Variants in PEX5L observed in about 807,000 individuals in gnomAD.
PEX5L encodes peroxisomal biogenesis factor 5 like.
PEX5L carries 30 observed loss-of-function variants against 84.0 expected under a neutral mutation model. That is an observed-to-expected ratio of 0.36 (90% confidence interval 0.27 to 0.48). The LOEUF is 0.48. PEX5L is among the 20% of genes least tolerant of loss of function. The pLI, the probability that PEX5L is intolerant of heterozygous loss-of-function variation, is 0.99. For missense variants in PEX5L, 533 were observed against 754.6 expected (o/e 0.71, Z 3.44); for synonymous variants, 270 against 283.1 (o/e 0.95, Z 0.46).
rs142621489 is a variant in PEX5L at position 180,029,628 on chromosome 3, A to C, written c.21+6951T>G. 2.3e-4 allele frequency among the ~76,000 whole-genome samples: 35 copies of C among 152,298 alleles called. No homozygotes were observed. In the East Asian group the frequency reaches 6.8e-3, roughly 29 times the overall value. ...CCTCTGTGATGTCAGAAAGCTACCTAGGAATTAAGCTTTCTGCTAGGGTCT... is the reference window on the plus strand; with the variant it reads ...CCTCTGTGATGTCAGAAAGCTACCTCGGAATTAAGCTTTCTGCTAGGGTCT... On this transcript the variant is annotated intron_variant, in intron 1 of 14. Coordinates refer to ENST00000467460, the MANE Select transcript of PEX5L (RefSeq NM_016559.3).
Position 179,922,096 on chromosome 3 carries a change from C to T in PEX5L, c.94-23850G>A, listed in dbSNP as rs1487303643. ...AAGTTCTCTCTGGAGCTCACTAGAC[C>T]GACTTGTAACTGCTGGGATTATGAT... is the stretch of plus-strand genomic sequence containing the variant. On this transcript the variant is annotated intron_variant, in intron 2 of 14. Transcript: ENST00000467460. 3.9e-5 allele frequency among the ~76,000 whole-genome samples: 6 copies of T among 152,150 alleles called. No individual in the cohort carries two copies. The East Asian group carries it at 5.8e-4, about 15-fold the overall frequency.
intron 1 of PEX5L, among the ~76,000 whole-genome samples, chr3:180,002,439 C>A (rs186046193): frequency 1.3e-5 from 2 of 152,134 alleles, no homozygotes; most frequent in South Asian, 2.1e-4. Flanking sequence ...AAAGTGATAT[C>A]TTTCATTGCA....
In PEX5L at chr3:179,869,225, C is replaced by T. The variant is rs1253963564; in HGVS notation, c.726+5102G>A. 4.6e-5 allele frequency among the ~76,000 whole-genome samples: 7 copies of T among 152,226 alleles called. No homozygotes were observed. In the South Asian group the frequency reaches 1.5e-3, roughly 32 times the overall value. On this transcript the variant is annotated intron_variant, in intron 7 of 14. Coordinates refer to ENST00000467460, the MANE Select transcript of PEX5L (RefSeq NM_016559.3). ...GAGCTCCCCTTCCAAGTGTCCAAAT[C>T]CAAAAAGGCTTGAACCATCAGTCTC...
chr3:179,970,787 C>T (rs969874438), intron 2 of PEX5L, among the ~76,000 whole-genome samples: 12 of 152,170 alleles, frequency 7.9e-5, no homozygotes, highest in Non-Finnish European at 1.5e-4. Flanking sequence ...ACTGCTTTCT[C>T]TCTAATCTCT....
intron 1 of PEX5L, among the ~76,000 whole-genome samples, chr3:180,022,307 A>G (rs1453332415): frequency 6.6e-6 from 1 of 152,196 alleles, no homozygotes; most frequent in Non-Finnish European, 1.5e-5. Flanking sequence ...TGAGATTAGT[A>G]AAATAAGAGC....
intron 1 of PEX5L, among the ~76,000 whole-genome samples, chr3:179,984,863 C>T (rs1479203976): frequency 2.6e-5 from 4 of 152,024 alleles, no homozygotes; most frequent in South Asian, 2.1e-4. Flanking sequence ...TCTTCATAGG[C>T]GATTCCAGGA....
rs367955319 is a variant in PEX5L, at chr3:179,795,082, C to T, written c.*6746G>A. 1 of 151,982 alleles carries T rather than the reference C, an allele frequency of 6.6e-6. No individual in the cohort carries two copies. The highest frequency in any genetic ancestry group is 1.5e-5 in the Non-Finnish European group (1 of 67,984). 9.4% of individuals were successfully genotyped at this position (151,982 alleles called of 1,614,324 possible). A position where few individuals can be genotyped will look rare whatever the true frequency, so the allele number is the denominator to read the frequency against. On this transcript the variant is annotated 3_prime_UTR_variant, in exon 15 of 15. Transcript: ENST00000467460. ...AAGTTTTGTTTTATATCCAAAAATG[C>T]ATTCCTGATTTCCAGATAGCTCATG...
In PEX5L at chr3:179,985,094, G is replaced by C. The variant is rs73059310; in HGVS notation, c.22-13429C>G. Among the ~76,000 whole-genome samples, 1,322 of 152,308 alleles carry C rather than the reference G, an allele frequency of 8.7e-3. 17 individuals carry two copies. Among genetic ancestry groups the C allele is most frequent in the African/African-American group, 0.03 (1,260 of 41,570 alleles). On this transcript the variant is annotated intron_variant, in intron 1 of 14. Coordinates refer to ENST00000467460, the MANE Select transcript of PEX5L (RefSeq NM_016559.3). ...CTCTTGTACAATCAAAGCAAGGGCT[G>C]AGTATTGAGACACCTTTTGGATTTG...
intron 2 of PEX5L, among the ~76,000 whole-genome samples, chr3:179,901,663 A>C (rs889224650): frequency 1.3e-5 from 2 of 152,226 alleles, no homozygotes; most frequent in Non-Finnish European, 2.9e-5. Flanking sequence ...CAATAACAAC[A>C]TTAAGGGGAA....
intron 1 of PEX5L, among the ~76,000 whole-genome samples, chr3:180,035,052 G>A (rs1187481809): frequency 6.6e-6 from 1 of 152,086 alleles, no homozygotes. Flanking sequence ...ACAATACTGT[G>A]CAAAGTTTTT....
In PEX5L at chr3:179,996,221, C is replaced by T. The variant is rs1360735216; in HGVS notation, c.22-24556G>A. On this transcript the variant is annotated intron_variant, in intron 1 of 14. Coordinates refer to ENST00000467460, the MANE Select transcript of PEX5L (RefSeq NM_016559.3). ...GGTGAGGGTGAGGAGGTGTGCTACA[C>T]TCGAAAAGAGCTGCTTGAGTTTTCT... Among the ~76,000 whole-genome samples the T allele has an allele frequency of 3.9e-5, 6 of 152,222 alleles. No homozygotes were observed. The East Asian group carries it at 7.7e-4, about 20-fold the overall frequency.
intron 8 of PEX5L, among the ~76,000 whole-genome samples, chr3:179,830,848 CACAGATCCTG>C (rs1436366913): frequency 6.6e-6 from 1 of 152,148 alleles, no homozygotes; most frequent in Non-Finnish European, 1.5e-5. Flanking sequence ...AACTGTTTTC[CACAGATCCTG>C]ACAGACAAAG....
chr3:179,972,603 C>T (rs1055941476), intron 1 of PEX5L, among the ~76,000 whole-genome samples: 2 of 152,128 alleles, frequency 1.3e-5, no homozygotes, highest in African/African-American at 2.4e-5. Context: ...TTATTAACTA[C>T]ATCAACTTGA....
rs1258355145 is a variant in PEX5L, at chr3:179,864,539, G to A, written c.727-5382C>T. 3.3e-5 allele frequency among the ~76,000 whole-genome samples: 5 copies of A among 152,106 alleles called. 1 individual carries two copies. Among genetic ancestry groups the A allele is most frequent in the Non-Finnish European group, 7.4e-5 (5 of 68,022 alleles). On this transcript the variant is annotated intron_variant, in intron 7 of 14. Transcript: ENST00000467460. ...ACCAGGAGCTGGAGGTGAAGGTTGA[G>A]GGGTTTGGGAGATGTTGGTCAAAGG...
chr3:179,944,510 C>T (rs73060768), intron 2 of PEX5L, among the ~76,000 whole-genome samples: 32,751 of 152,146 alleles, frequency 0.22, 3,791 homozygotes, highest in Non-Finnish European at 0.26. Flanking sequence ...CTGGAAAGGT[C>T]TAACATGGCC....
chr3:179,848,924 T>C (rs1740693986), intron 8 of PEX5L, among the ~76,000 whole-genome samples: 1 of 152,174 alleles, frequency 6.6e-6, no homozygotes, highest in Non-Finnish European at 1.5e-5. Context: ...CTTTCTTCCC[T>C]GCATAGAATG....
intron 2 of PEX5L, among the ~76,000 whole-genome samples, chr3:179,938,027 C>A (rs1454698770): frequency 6.6e-6 from 1 of 152,052 alleles, no homozygotes. Flanking sequence ...ACCGTCACCA[C>A]TACCTTCACC....
chr3:179,846,430 C>T (rs780191602), intron 8 of PEX5L, among the ~76,000 whole-genome samples: 4 of 152,182 alleles, frequency 2.6e-5, no homozygotes, highest in Non-Finnish European at 4.4e-5. Context: ...AACACTAGAA[C>T]TTATTCTATC....
chr3:179,995,819 CCT>C (rs1280122357), intron 1 of PEX5L, among the ~76,000 whole-genome samples: 1 of 152,158 alleles, frequency 6.6e-6, no homozygotes, highest in African/African-American at 2.4e-5. Context: ...GCATGCACAG[CCT>C]CTCCAGGTGT....
Sources: gnomAD v4.1 joint callset for allele counts (sites outside exome capture counted in the v4.1 genomes callset) on GRCh38, gnomAD v4.1.1 for gene constraint, MANE v1.5 for transcripts, NCBI Gene and HGNC (gene_info 2026-07-23, HGNC 2026-07-21) for gene names.